Variants in PIBF1 observed in about 807,000 individuals in gnomAD.
PIBF1 encodes progesterone immunomodulatory binding factor 1, also known as progesterone-induced-blocking factor 1.
A neutral mutation model predicts 112.5 loss-of-function variants in PIBF1; 90 were observed. The observed-to-expected ratio is 0.80, with a 90% confidence interval of 0.67 to 0.95. PIBF1 has a LOEUF of 0.95. Ranked by LOEUF, PIBF1 falls within the 40% of genes least tolerant of loss-of-function variation. The pLI is 0.00. For missense variants in PIBF1, 915 were observed against 852.3 expected (o/e 1.07, Z -0.92); for synonymous variants, 301 against 288.6 (o/e 1.04, Z -0.44).
At chr13:72,833,464 G>A (rs2037212112) in intron 8 of PIBF1, among the ~76,000 whole-genome samples, 1 of 151,972 alleles carries the variant, frequency 6.6e-6, no homozygotes, top group South Asian at 2.1e-4. Flanking sequence ...GAGTGGACGT[G>A]CTATTCCTTT....
chr13:72,818,678 C>T (rs933774825), intron 5 of PIBF1, among the ~76,000 whole-genome samples: 7 of 80,392 alleles, frequency 8.7e-5, no homozygotes, highest in South Asian at 5.1e-4. Flanking sequence ...CAGTCTTAAA[C>T]TTTTTTTTTT....
At chr13:72,885,083 A>G (rs1369801625) in intron 10 of PIBF1, among the ~76,000 whole-genome samples, 2 of 150,080 alleles carry the variant, frequency 1.3e-5, no homozygotes, top group Admixed American at 6.6e-5. Context: ...GAACTCAGAT[A>G]GAGCCTGTCA....
intron 8 of PIBF1, among the ~76,000 whole-genome samples, chr13:72,832,847 A>G (rs1055239078): frequency 2.6e-5 from 4 of 152,166 alleles, no homozygotes; most frequent in African/African-American, 4.8e-5. Flanking sequence ...TCTCCTGGAT[A>G]ATATCCTGAA....
At chr13:72,967,013 A>G (rs906389535) in intron 15 of PIBF1, among the ~76,000 whole-genome samples, 1 of 150,358 alleles carries the variant, frequency 6.7e-6, no homozygotes, top group African/African-American at 2.5e-5. Context: ...TCTGCTCACT[A>G]TAACCTCTGC....
At chr13:72,799,469 A>G (rs1392824376) in intron 5 of PIBF1, among the ~76,000 whole-genome samples, 1 of 152,186 alleles carries the variant, frequency 6.6e-6, no homozygotes. Flanking sequence ...AGAGGGGCAG[A>G]TGTGCCCCCA....
At chr13:72,822,271 A>C (rs539164846) in intron 6 of PIBF1, among the ~76,000 whole-genome samples, 20 of 152,246 alleles carry the variant, frequency 1.3e-4, no homozygotes, top group African/African-American at 4.3e-4. Context: ...ATTTTTATGT[A>C]GTGGAATCAA....
At chr13:72,901,349 A>C (rs947367514) in intron 11 of PIBF1, among the ~76,000 whole-genome samples, 4 of 152,176 alleles carry the variant, frequency 2.6e-5, no homozygotes, top group African/African-American at 9.7e-5. Context: ...CAAAACCACG[A>C]TACAGTACCC....
intron 10 of PIBF1, among the ~76,000 whole-genome samples, chr13:72,879,962 T>A (rs1223554407): frequency 2.0e-5 from 3 of 152,248 alleles, no homozygotes; most frequent in African/African-American, 7.2e-5. Flanking sequence ...CAGAAACTTT[T>A]TGGCCCACAA....
At chr13:72,931,397 A>G in intron 14 of PIBF1, 130 bp downstream of exon 14, 1 of 698,490 alleles carries the variant, frequency 1.4e-6, no homozygotes, top group South Asian at 1.8e-5. Flanking sequence ...AATTTATGAA[A>G]CTAACTGAAT....
At chr13:72,922,489 GAC>G (rs1346080999) in intron 13 of PIBF1, among the ~76,000 whole-genome samples, 1 of 152,166 alleles carries the variant, frequency 6.6e-6, no homozygotes, top group East Asian at 1.9e-4. Flanking sequence ...ACTAAATGGT[GAC>G]ACCCAGGCAC....
At chr13:72,987,044 G>A (rs1418317927) in intron 16 of PIBF1, among the ~76,000 whole-genome samples, 2 of 152,292 alleles carry the variant, frequency 1.3e-5, no homozygotes, top group African/African-American at 2.4e-5. Flanking sequence ...CTCTGCTCTA[G>A]TCAGTACTTC....
Position 72,999,007 on chromosome 13 carries a change from T to C in PIBF1, c.2223+12T>C. ...AACCAACACTCTTTGTAAGTACAATTTTTAAAACTCATAATTTTAATATTC... is the reference window on the plus strand; with the variant it reads ...AACCAACACTCTTTGTAAGTACAATCTTTAAAACTCATAATTTTAATATTC... On this transcript the variant is annotated intron_variant, in intron 17 of 17. Coordinates refer to ENST00000326291, the MANE Select transcript of PIBF1 (RefSeq NM_006346.4). 1 of 1,495,432 alleles carries C rather than the reference T, an allele frequency of 6.7e-7. No homozygotes were observed. Among genetic ancestry groups the C allele is most frequent in the Non-Finnish European group, 9.1e-7 (1 of 1,096,992 alleles). 92.6% of individuals were successfully genotyped at this position (1,495,432 alleles called of 1,614,324 possible).
intron 10 of PIBF1, among the ~76,000 whole-genome samples, chr13:72,887,449 A>G (rs898197743): frequency 6.6e-6 from 1 of 151,782 alleles, no homozygotes; most frequent in Non-Finnish European, 1.5e-5. Context: ...TTATTTTTGT[A>G]TTCTGAGATC....
chr13:72,987,858 A>ATTTATTTATTTTTTTT (rs1345167411), intron 16 of PIBF1, among the ~76,000 whole-genome samples: 14 of 58,088 alleles, frequency 2.4e-4, no homozygotes, highest in African/African-American at 1.1e-3. Context: ...TTATTTATTT[A>ATTTATTTATTTTTTTT]TTTTTTTTTT....
intron 5 of PIBF1, among the ~76,000 whole-genome samples, chr13:72,813,041 T>G (rs2036093741): frequency 6.6e-6 from 1 of 152,164 alleles, no homozygotes; most frequent in South Asian, 2.1e-4. Context: ...CCAGGTGCTA[T>G]CATGCATCAC....
intron 14 of PIBF1, among the ~76,000 whole-genome samples, chr13:72,952,449 A>G (rs983394450): frequency 2.0e-5 from 3 of 151,598 alleles, no homozygotes; most frequent in South Asian, 2.1e-4. Flanking sequence ...TAGTATTTCA[A>G]ATTATTTATC....
chr13:72,890,310 C>T (rs1348254156), intron 10 of PIBF1, among the ~76,000 whole-genome samples: 1 of 152,104 alleles, frequency 6.6e-6, no homozygotes, highest in Non-Finnish European at 1.5e-5. Context: ...AGCCTGAGAG[C>T]ACTTCTTATG....
At chr13:72,791,035 ATTTT>A (rs746899504) in intron 2 of PIBF1, among the ~76,000 whole-genome samples, 94 of 115,832 alleles carry the variant, frequency 8.1e-4, no homozygotes, top group Middle Eastern at 4.3e-3. Flanking sequence ...AAATTCATGT[ATTTT>A]TGTTTGTTTG....
intron 14 of PIBF1, among the ~76,000 whole-genome samples, chr13:72,945,918 T>A (rs2042137705): frequency 6.6e-6 from 1 of 152,168 alleles, no homozygotes; most frequent in Admixed American, 6.5e-5. Flanking sequence ...ATGCCAGTCA[T>A]AGCACTTTAT....
Sources: allele counts gnomAD v4.1 joint callset (sites outside exome capture counted in the v4.1 genomes callset), GRCh38; gene constraint gnomAD v4.1.1; transcripts MANE v1.5; gene names NCBI Gene and HGNC (gene_info 2026-07-23, HGNC 2026-07-21).